STXBP5L: variants seen among roughly 807,000 people sequenced by gnomAD.
STXBP5L encodes the protein syntaxin binding protein 5L.
In STXBP5L, 65 loss-of-function variants were observed where a neutral mutation model predicts 144.5. That is an observed-to-expected ratio of 0.45 (90% CI 0.37 to 0.55). The LOEUF (loss-of-function observed/expected upper bound fraction) is 0.55. Among genes scored for constraint, STXBP5L ranks in the 20% least tolerant of loss-of-function variants. The pLI is 0.00. For synonymous variants in STXBP5L, 505 were observed against 469.6 expected (o/e 1.08, Z -0.97); for missense variants, 1,298 against 1,405.5 (o/e 0.92, Z 1.22).
intron 9 of STXBP5L, among the ~76,000 whole-genome samples, chr3:121,191,206 T>G (rs2047665128): frequency 6.6e-6 from 1 of 152,082 alleles, no homozygotes; most frequent in African/African-American, 2.4e-5. Flanking sequence ...AGGTGGAGGT[T>G]GTAGCGAGCC....
At chr3:121,199,998 A>G (rs1324405194) in intron 9 of STXBP5L, among the ~76,000 whole-genome samples, 1 of 152,160 alleles carries the variant, frequency 6.6e-6, no homozygotes, top group Non-Finnish European at 1.5e-5. Flanking sequence ...CTGGCCTCAC[A>G]AAATGAGTTA....
chr3:121,387,807 C>G (rs368272292), intron 22 of STXBP5L, among the ~76,000 whole-genome samples: 1 of 151,998 alleles, frequency 6.6e-6, no homozygotes, highest in Non-Finnish European at 1.5e-5. Context: ...GTTACTGTAG[C>G]CTTAATATAG....
intron 22 of STXBP5L, among the ~76,000 whole-genome samples, chr3:121,382,638 G>A (rs1480111555): frequency 6.6e-6 from 1 of 152,014 alleles, no homozygotes; most frequent in Non-Finnish European, 1.5e-5. Context: ...GGTACAGTCA[G>A]CTTCCACTGT....
intron 5 of STXBP5L, among the ~76,000 whole-genome samples, chr3:121,056,255 G>T (rs1948453765): frequency 6.6e-6 from 1 of 152,140 alleles, no homozygotes; most frequent in Admixed American, 6.6e-5. Context: ...TTTAGGCATA[G>T]CAGTCCTTGC....
At chr3:121,056,374 T>C (rs1297002753) in intron 5 of STXBP5L, among the ~76,000 whole-genome samples, 1 of 152,142 alleles carries the variant, frequency 6.6e-6, no homozygotes, top group Non-Finnish European at 1.5e-5. Context: ...TTAAATTATC[T>C]GTACTTATTA....
At chr3:120,915,922 G>T (rs1453437059) in intron 2 of STXBP5L, among the ~76,000 whole-genome samples, 1 of 152,132 alleles carries the variant, frequency 6.6e-6, no homozygotes, top group Non-Finnish European at 1.5e-5. Flanking sequence ...AGCATTCATA[G>T]TCACTGAATG....
intron 9 of STXBP5L, among the ~76,000 whole-genome samples, chr3:121,202,233 AT>A (rs1426578598): frequency 6.6e-6 from 1 of 152,124 alleles, no homozygotes; most frequent in African/African-American, 2.4e-5. Context: ...TGTTACATTG[AT>A]GTTTTTGCTT....
intron 3 of STXBP5L, among the ~76,000 whole-genome samples, chr3:120,958,084 C>T (rs539592480): frequency 3.4e-4 from 52 of 152,088 alleles, no homozygotes; most frequent in Middle Eastern, 3.4e-3. Flanking sequence ...ATATCACCAC[C>T]GATCCTGCAG....
chr3:120,966,474 G>T (rs1295560686), intron 3 of STXBP5L, among the ~76,000 whole-genome samples: 9 of 151,756 alleles, frequency 5.9e-5, no homozygotes. Flanking sequence ...TGGTGTAGAT[G>T]ACCTTTTTGT....
chr3:121,146,023 G>A (rs1559795650), intron 7 of STXBP5L, among the ~76,000 whole-genome samples: 1 of 151,958 alleles, frequency 6.6e-6, no homozygotes, highest in Non-Finnish European at 1.5e-5. Context: ...TCAGCTCAAG[G>A]TTCTCAGGAC....
rs566028042 is a variant in STXBP5L, at chr3:120,986,970, G to T, written c.287+31933G>T. Among the ~76,000 whole-genome samples, 217 of 152,088 alleles carry T rather than the reference G, an allele frequency of 1.4e-3. 1 individual carries two copies. Among genetic ancestry groups the T allele is most frequent in the South Asian group, 0.013 (63 of 4,828 alleles). On this transcript the variant is annotated intron_variant, in intron 3 of 26. Transcript: ENST00000471454. ...GGGACACCATCAAGTGGACCAACAT[G>T]TGTATAGTGGGAATCCCAGAAAGAA...
chr3:121,385,533 A>C (rs2046408130), intron 22 of STXBP5L, among the ~76,000 whole-genome samples: 2 of 152,090 alleles, frequency 1.3e-5, no homozygotes, highest in Non-Finnish European at 2.9e-5. Flanking sequence ...GGAGGGAACA[A>C]ACATCCAAAC....
At chr3:121,026,789 A>G (rs1286288008) in intron 3 of STXBP5L, among the ~76,000 whole-genome samples, 10 of 152,068 alleles carry the variant, frequency 6.6e-5, no homozygotes, top group Non-Finnish European at 1.5e-5. Context: ...ATATAGTTAT[A>G]TACATATGTA....
rs1233996075 is a variant in STXBP5L, at chr3:121,423,631, C to T, written c.*4534C>T. The T allele has an allele frequency of 6.6e-6, 1 of 152,102 alleles. No homozygotes were observed. Among genetic ancestry groups the T allele is most frequent in the East Asian group, 1.9e-4 (1 of 5,200 alleles). 9.4% of individuals were successfully genotyped at this position (152,102 alleles called of 1,614,324 possible). A position where few individuals can be genotyped will look rare whatever the true frequency, so the allele number is the denominator to read the frequency against. On this transcript the variant is annotated 3_prime_UTR_variant, in exon 27 of 27. Coordinates refer to ENST00000471454, the MANE Select transcript of STXBP5L (RefSeq NM_001308330.2). ...TCACCTCAGGAAATTTTTAAATTCC[C>T]AATTATATTAAAATCATTTGGAGTG...
intron 22 of STXBP5L, among the ~76,000 whole-genome samples, chr3:121,386,989 C>T (rs988858743): frequency 2.6e-5 from 4 of 152,154 alleles, no homozygotes; most frequent in Non-Finnish European, 5.9e-5. Context: ...CACTGTCTTC[C>T]ATAATGGTTG....
At chr3:121,093,867 G>A (rs2042964341) in intron 5 of STXBP5L, among the ~76,000 whole-genome samples, 1 of 152,052 alleles carries the variant, frequency 6.6e-6, no homozygotes, top group Non-Finnish European at 1.5e-5. Flanking sequence ...TGATGTTAGG[G>A]TGTCAATTTT....
intron 19 of STXBP5L, among the ~76,000 whole-genome samples, chr3:121,313,838 G>C (rs1383651560): frequency 7.0e-6 from 1 of 143,458 alleles, no homozygotes; most frequent in African/African-American, 2.6e-5. Flanking sequence ...TCACTTCTCA[G>C]ACGGGGCGGT....
chr3:121,316,895 G>T (rs1559969210), intron 19 of STXBP5L, among the ~76,000 whole-genome samples: 1 of 152,048 alleles, frequency 6.6e-6, no homozygotes, highest in Non-Finnish European at 1.5e-5. Flanking sequence ...AGTTCTAGCA[G>T]CCTCCTCCTC....
At chr3:120,993,497 A>G (rs893533407) in intron 3 of STXBP5L, among the ~76,000 whole-genome samples, 1 of 152,040 alleles carries the variant, frequency 6.6e-6, no homozygotes, top group Non-Finnish European at 1.5e-5. Context: ...TCTGAGATTT[A>G]GGGGTCTAGT....
Sources: allele counts gnomAD v4.1 joint callset (sites outside exome capture counted in the v4.1 genomes callset), GRCh38; gene constraint gnomAD v4.1.1; transcripts MANE v1.5; gene names NCBI Gene and HGNC (gene_info 2026-07-23, HGNC 2026-07-21).